The following CNGB3 variants were observed in gnomAD, a reference collection of about 807,000 sequenced individuals.
CNGB3 encodes cyclic nucleotide-gated channel beta-3.
In CNGB3, 86 loss-of-function variants were observed where a neutral mutation model predicts 92.8. The ratio of observed to expected loss-of-function variants is 0.93; its 90% CI spans 0.78 to 1.11. The LOEUF is 1.11. Ranked by LOEUF, CNGB3 falls within the 50% of genes least tolerant of loss-of-function variation. The probability of loss-of-function intolerance (pLI) is 0.00; values close to 1 mark genes in which losing one functional copy is unlikely to be tolerated. For synonymous variants in CNGB3, 333 were observed against 332.7 expected (o/e 1.00, Z -0.01); for missense variants, 1,026 against 956.8 (o/e 1.07, Z -0.95).
intron 8 of CNGB3, 85 bp downstream of exon 8, chr8:86,647,716 T>C: frequency 1.2e-6 from 1 of 825,442 alleles, no homozygotes; most frequent in Non-Finnish European, 2.1e-6. Flanking sequence ...TTTAAGATAC[T>C]TTAAATTGTT....
intron 3 of CNGB3, among the ~76,000 whole-genome samples, chr8:86,723,210 T>C (rs1303659471): frequency 6.6e-6 from 1 of 151,924 alleles, no homozygotes; most frequent in Non-Finnish European, 1.5e-5. Flanking sequence ...AGTCCAGACA[T>C]AATAATCCCT....
intron 15 of CNGB3, among the ~76,000 whole-genome samples, chr8:86,582,480 A>G (rs1384052713): frequency 1.3e-5 from 2 of 152,216 alleles, no homozygotes. Flanking sequence ...AACATTAAGC[A>G]AGATAAATGC....
chr8:86,712,165 G>A (rs35049127), intron 3 of CNGB3, among the ~76,000 whole-genome samples: 28,836 of 151,910 alleles, frequency 0.19, 3,364 homozygotes, highest in South Asian at 0.3. Context: ...TTTAAATATC[G>A]TTATCAACCC....
At chr8:86,667,208 G>A in intron 5 of CNGB3, 75 bp from the exon 6 acceptor site, 1 of 1,337,116 alleles carries the variant, frequency 7.5e-7, no homozygotes, top group Non-Finnish European at 1.1e-6. Context: ...TTAGTTTGGG[G>A]AGGTTGGGGC....
chr8:86,633,450 T>C (rs1358166037), intron 10 of CNGB3, among the ~76,000 whole-genome samples: 4 of 152,198 alleles, frequency 2.6e-5, no homozygotes, highest in Admixed American at 6.5e-5. Context: ...TCATTCAGCC[T>C]CTCAATGTGA....
At chr8:86,714,574 A>G (rs952271813) in intron 3 of CNGB3, among the ~76,000 whole-genome samples, 1 of 152,170 alleles carries the variant, frequency 6.6e-6, no homozygotes, top group Non-Finnish European at 1.5e-5. Flanking sequence ...AGAACAGCAT[A>G]TGGAGACTCA....
intron 10 of CNGB3, among the ~76,000 whole-genome samples, chr8:86,635,863 TAC>T (rs1370641229): frequency 0.097 from 5,228 of 53,944 alleles, 262 homozygotes; most frequent in African/African-American, 0.15. Flanking sequence ...TATATATATA[TAC>T]ACATACACAT....
rs141098074 is a variant in CNGB3 at position 86,743,554 on chromosome 8, C to T, written c.74G>A (p.Arg25His). The change falls in exon 1 of 18, where the codon CGT becomes CAT. Residue 25 changes from arginine (R) to histidine (H), a missense_variant. By Grantham distance (29) the Arg-to-His change is conservative. Transcript: ENST00000320005. ...GENNENEQSS[R>H]RNEEGSHPSN... ...TGGGTGAGAGCCTTCTTCATTCCGA[C>T]GAGAACTTTGTTCATTCTCATTGTT... The T allele has an allele frequency of 7.5e-5, 121 of 1,613,860 alleles. No individual in the cohort carries two copies. The highest frequency in any genetic ancestry group is 4.5e-4 in the African/African-American group (34 of 74,896).
intron 3 of CNGB3, among the ~76,000 whole-genome samples, chr8:86,686,373 T>C (rs1824188995): frequency 6.6e-6 from 1 of 152,134 alleles, no homozygotes; most frequent in Non-Finnish European, 1.5e-5. Flanking sequence ...CACAGATTTT[T>C]ATATAAATTG....
At chr8:86,629,539 G>A (rs987480623) in intron 11 of CNGB3, among the ~76,000 whole-genome samples, 10 of 152,312 alleles carry the variant, frequency 6.6e-5, no homozygotes, top group Admixed American at 3.9e-4. Flanking sequence ...AGTCCATTTT[G>A]GTGAGTCTTA....
chr8:86,652,666 C>A (rs954564095), intron 7 of CNGB3, among the ~76,000 whole-genome samples: 1 of 151,962 alleles, frequency 6.6e-6, no homozygotes, highest in South Asian at 2.1e-4. Flanking sequence ...TCAGGATCAT[C>A]AATATCACTG....
chr8:86,692,857 G>A (rs996821428), intron 3 of CNGB3, among the ~76,000 whole-genome samples: 1 of 151,840 alleles, frequency 6.6e-6, no homozygotes, highest in Non-Finnish European at 1.5e-5. Context: ...GTTCCATTTT[G>A]GTGTATTTTG....
chr8:86,661,544 T>G, intron 6 of CNGB3: 1 of 700,850 alleles, frequency 1.4e-6, no homozygotes, highest in Non-Finnish European at 2.7e-6. Context: ...ACTTTGAGTC[T>G]TCCTAATTTT....
At chr8:86,638,089 C>A (rs542421411) in intron 10 of CNGB3, among the ~76,000 whole-genome samples, 1 of 152,158 alleles carries the variant, frequency 6.6e-6, no homozygotes, top group African/African-American at 2.4e-5. Flanking sequence ...TTCATTGTAT[C>A]TTTATACCAC....
At chr8:86,632,727 A>G (rs1234115708) in intron 11 of CNGB3, 25 bp downstream of exon 11, 1 of 1,611,736 alleles carries the variant, frequency 6.2e-7, no homozygotes, top group East Asian at 2.2e-5. Flanking sequence ...AGCACTGTGT[A>G]TCCAGTGATT....
At chr8:86,626,108 C>A (rs537172205) in intron 12 of CNGB3, 28 bp from the exon 13 acceptor site, 2 of 1,514,306 alleles carry the variant, frequency 1.3e-6, no homozygotes, top group Non-Finnish European at 1.8e-6. Context: ...CATCAAACCC[C>A]GATGCAGAAT....
intron 13 of CNGB3, among the ~76,000 whole-genome samples, chr8:86,613,512 A>C (rs1446611251): frequency 6.6e-6 from 1 of 152,150 alleles, no homozygotes; most frequent in African/African-American, 2.4e-5. Context: ...ATGGTAAAGA[A>C]AATCCACTTG....
intron 15 of CNGB3, among the ~76,000 whole-genome samples, chr8:86,587,913 G>A (rs1291208669): frequency 3.9e-5 from 6 of 152,012 alleles, no homozygotes; most frequent in African/African-American, 9.7e-5. Flanking sequence ...CATTGAATCT[G>A]TAAATTACCT....
At chr8:86,723,387 A>G (rs1825007927) in intron 3 of CNGB3, among the ~76,000 whole-genome samples, 2 of 152,186 alleles carry the variant, frequency 1.3e-5, no homozygotes, top group Non-Finnish European at 2.9e-5. Context: ...TCTAGGAGAA[A>G]GAGCTTTTTA....
Sources: allele counts gnomAD v4.1 joint callset (sites outside exome capture counted in the v4.1 genomes callset), GRCh38; gene constraint gnomAD v4.1.1; transcripts MANE v1.5; gene names NCBI Gene and HGNC (gene_info 2026-07-23, HGNC 2026-07-21).